The following MICAL2 variants were observed in gnomAD, a reference collection of about 807,000 sequenced individuals.
The protein encoded by MICAL2 is microtubule associated monooxygenase, calponin and LIM domain containing 2.
A neutral mutation model predicts 127.3 loss-of-function variants in MICAL2; 77 were observed. The ratio of observed to expected loss-of-function variants is 0.60; its 90% CI spans 0.50 to 0.73. The LOEUF is 0.73. Ranked by LOEUF, MICAL2 falls within the 30% of genes least tolerant of loss-of-function variation. MICAL2 has a pLI of 0.00. For synonymous variants in MICAL2, 570 were observed against 551.1 expected (o/e 1.03, Z -0.48); for missense variants, 1,351 against 1,434.4 (o/e 0.94, Z 0.94).
intron 30 of MICAL2, among the ~76,000 whole-genome samples, chr11:12,323,327 A>G (rs1388119685): frequency 1.3e-5 from 2 of 152,228 alleles, no homozygotes; most frequent in African/African-American, 2.4e-5. Context: ...CCTCAAGCCA[A>G]AAAACACTTT....
intron 21 of MICAL2, among the ~76,000 whole-genome samples, chr11:12,246,903 G>A (rs1475328857): frequency 6.6e-6 from 1 of 152,218 alleles, no homozygotes; most frequent in Admixed American, 6.5e-5. Flanking sequence ...CAATATATCA[G>A]TAAATTATAT....
At chr11:12,339,590 G>T (rs1472525824) in intron 32 of MICAL2, among the ~76,000 whole-genome samples, 3 of 152,046 alleles carry the variant, frequency 2.0e-5, no homozygotes, top group Non-Finnish European at 4.4e-5. Flanking sequence ...ATCTACCTTT[G>T]GTCTTTGATG....
chr11:12,259,322 T>C (rs1862774771), intron 25 of MICAL2, among the ~76,000 whole-genome samples: 1 of 152,226 alleles, frequency 6.6e-6, no homozygotes, highest in African/African-American at 2.4e-5. Context: ...CTTCACTAAC[T>C]GTATATCAAG....
intron 1 of MICAL2, among the ~76,000 whole-genome samples, chr11:12,134,163 C>A (rs1034418528): frequency 9.2e-5 from 14 of 152,310 alleles, no homozygotes; most frequent in African/African-American, 2.6e-4. Context: ...TAGACAAGAT[C>A]ATACAATTCA....
intron 33 of MICAL2, among the ~76,000 whole-genome samples, chr11:12,352,387 A>G (rs1163744018): frequency 2.0e-5 from 3 of 152,260 alleles, no homozygotes; most frequent in African/African-American, 7.2e-5. Context: ...TGCATAGCAC[A>G]GTAGTGATAA....
intron 2 of MICAL2, among the ~76,000 whole-genome samples, chr11:12,282,353 G>C (rs964164048): frequency 2.0e-5 from 3 of 152,098 alleles, no homozygotes; most frequent in South Asian, 4.1e-4. Context: ...GCGTGGCCTT[G>C]GTGTACCCTT....
chr11:12,192,559 C>T (rs1859337209), intron 3 of MICAL2, among the ~76,000 whole-genome samples: 1 of 152,116 alleles, frequency 6.6e-6, no homozygotes, highest in South Asian at 2.1e-4. Flanking sequence ...GGGTGAATCA[C>T]TTGAAGTCAG....
At chr11:12,327,498 A>G (rs993996612) in intron 32 of MICAL2, among the ~76,000 whole-genome samples, 7 of 152,236 alleles carry the variant, frequency 4.6e-5, no homozygotes, top group East Asian at 3.9e-4. Context: ...TCCCAGGAGC[A>G]TTGGTCAGCC....
intron 3 of MICAL2, 128 bp from the exon 4 acceptor site, chr11:12,204,122 A>G (rs931976102): frequency 1.2e-5 from 10 of 836,442 alleles, no homozygotes; most frequent in Admixed American, 2.1e-5. Flanking sequence ...CCTAACAGGT[A>G]CACAGCTTGC....
chr11:12,144,393 C>T (rs1852670803), intron 2 of MICAL2, among the ~76,000 whole-genome samples: 1 of 152,166 alleles, frequency 6.6e-6, no homozygotes, highest in Admixed American at 6.5e-5. Context: ...GGCTCCCCTC[C>T]TCTGGGGCTT....
intron 21 of MICAL2, 26 bp downstream of exon 21, chr11:12,244,138 C>G: frequency 6.2e-7 from 1 of 1,613,894 alleles, no homozygotes; most frequent in Admixed American, 1.7e-5. Flanking sequence ...AATTTGCTTT[C>G]CCTATTCCCT....
intron 27 of MICAL2, 156 bp downstream of exon 27, chr11:12,262,693 C>A: frequency 1.5e-6 from 1 of 676,036 alleles, no homozygotes; most frequent in Non-Finnish European, 2.6e-6. Context: ...AACAGCATGG[C>A]GGGGGGTGTT....
intron 1 of MICAL2, among the ~76,000 whole-genome samples, chr11:12,131,513 C>T (rs1851418743): frequency 1.3e-5 from 2 of 152,182 alleles, no homozygotes; most frequent in Admixed American, 1.3e-4. Context: ...CCCTCATCCC[C>T]CAAGTCTGGA....
intron 2 of MICAL2, among the ~76,000 whole-genome samples, chr11:12,158,054 C>T (rs1854383394): frequency 6.6e-6 from 1 of 152,106 alleles, no homozygotes; most frequent in African/African-American, 2.4e-5. Flanking sequence ...TATACCTAAA[C>T]TGAAATCTAG....
upstream of MICAL2, among the ~76,000 whole-genome samples, chr11:12,272,816 C>T (rs16910954): frequency 2.4e-4 from 36 of 150,918 alleles, no homozygotes; most frequent in Admixed American, 8.5e-4. Context: ...TAGTGGCCAC[C>T]TGCGACAAGT....
At chr11:12,193,542 A>G (rs973333951) in intron 3 of MICAL2, among the ~76,000 whole-genome samples, 8 of 152,194 alleles carry the variant, frequency 5.3e-5, no homozygotes, top group Non-Finnish European at 7.3e-5. Flanking sequence ...AGGTGGTGCC[A>G]GTAGAGGATT....
At chr11:12,245,255 G>A (rs1425909368) in intron 21 of MICAL2, among the ~76,000 whole-genome samples, 1 of 151,926 alleles carries the variant, frequency 6.6e-6, no homozygotes, top group Non-Finnish European at 1.5e-5. Flanking sequence ...TCTGTTCACA[G>A]CCAGTGCGTC....
chr11:12,360,505 A>G (rs1040409051), downstream of MICAL2, among the ~76,000 whole-genome samples: 2 of 152,216 alleles, frequency 1.3e-5, no homozygotes, highest in African/African-American at 4.8e-5. Flanking sequence ...TCATTCTAGA[A>G]TATGCAGCAA....
At chr11:12,268,838 A>C (rs1863639049) in intron 24 of MICAL2, among the ~76,000 whole-genome samples, 1 of 151,668 alleles carries the variant, frequency 6.6e-6, no homozygotes. Flanking sequence ...AAAATACAAA[A>C]AAAAAAAAAA....
Sources: allele counts gnomAD v4.1 joint callset (sites outside exome capture counted in the v4.1 genomes callset), GRCh38; gene constraint gnomAD v4.1.1; transcripts MANE v1.5; gene names NCBI Gene and HGNC (gene_info 2026-07-23, HGNC 2026-07-21).